Variants in HDAC9 observed in about 807,000 individuals in gnomAD.
HDAC9 encodes histone deacetylase 9, also known as MEF-2 interacting transcription repressor (MITR) protein.
HDAC9 carries 41 observed loss-of-function variants against 139.4 expected under a neutral mutation model. The observed-to-expected ratio is 0.29, with a 90% CI of 0.23 to 0.38. The LOEUF (loss-of-function observed/expected upper bound fraction) is 0.38, where lower values mean the gene tolerates loss of function less well. Among genes scored for constraint, HDAC9 ranks in the 10% least tolerant of loss-of-function variants. The pLI, the probability that HDAC9 is intolerant of heterozygous loss-of-function variation, is 1.00. For synonymous variants in HDAC9, 517 were observed against 476.2 expected (o/e 1.09, Z -1.12); for missense variants, 1,147 against 1,297.0 (o/e 0.88, Z 1.78).
intron 2 of HDAC9, among the ~76,000 whole-genome samples, chr7:18,254,819 A>G (rs1795130323): frequency 6.6e-6 from 1 of 152,174 alleles, no homozygotes; most frequent in Admixed American, 6.5e-5. Context: ...AAGTGCAGTA[A>G]TACTAAGGTG....
chr7:18,534,920 G>C (rs920211883), intron 2 of HDAC9, among the ~76,000 whole-genome samples: 2 of 152,168 alleles, frequency 1.3e-5, no homozygotes, highest in African/African-American at 4.8e-5. Flanking sequence ...GGTGATTTAA[G>C]GATGCTACAA....
intron 17 of HDAC9, among the ~76,000 whole-genome samples, chr7:18,811,668 G>A (rs550943541): frequency 4.0e-5 from 6 of 151,562 alleles, no homozygotes; most frequent in Admixed American, 3.9e-4. Flanking sequence ...CCTACAGTTT[G>A]TATTACTTTA....
chr7:18,122,326 A>T (rs559660339), intron 1 of HDAC9, among the ~76,000 whole-genome samples: 2 of 152,194 alleles, frequency 1.3e-5, no homozygotes, highest in South Asian at 2.1e-4. Flanking sequence ...CGGGAGAAGA[A>T]GATGTAAAGT....
chr7:18,197,872 G>T (rs1199880582), intron 2 of HDAC9, among the ~76,000 whole-genome samples: 1 of 152,108 alleles, frequency 6.6e-6, no homozygotes, highest in African/African-American at 2.4e-5. Flanking sequence ...GGATTTATTT[G>T]CTGTAATCTT....
At chr7:18,263,984 A>T (rs970491246) in intron 2 of HDAC9, among the ~76,000 whole-genome samples, 1 of 152,210 alleles carries the variant, frequency 6.6e-6, no homozygotes, top group African/African-American at 2.4e-5. Context: ...TGTTGCAATG[A>T]TAAAAGGCTC....
At chr7:18,471,442 T>C (rs1794716821) in intron 1 of HDAC9, among the ~76,000 whole-genome samples, 1 of 152,244 alleles carries the variant, frequency 6.6e-6, no homozygotes, top group Non-Finnish European at 1.5e-5. Flanking sequence ...CCCTTAATTG[T>C]GCTGTTTCAA....
chr7:18,695,388 T>TA (rs980815088), intron 12 of HDAC9, among the ~76,000 whole-genome samples: 3 of 152,310 alleles, frequency 2.0e-5, no homozygotes, highest in Admixed American at 2.0e-4. Context: ...TAACAAATAA[T>TA]ATCAACATAA....
chr7:18,125,024 C>T (rs1281115852), intron 1 of HDAC9, among the ~76,000 whole-genome samples: 1 of 151,814 alleles, frequency 6.6e-6, no homozygotes, highest in Non-Finnish European at 1.5e-5. Flanking sequence ...AACATTAAAG[C>T]AGAAAGAGTG....
chr7:18,669,539 A>G (rs886377161), intron 12 of HDAC9, among the ~76,000 whole-genome samples: 1 of 151,860 alleles, frequency 6.6e-6, no homozygotes, highest in Non-Finnish European at 1.5e-5. Context: ...ATGGATTATC[A>G]TTTTATAGTG....
At chr7:18,935,272 T>G (rs1307790922) in intron 22 of HDAC9, among the ~76,000 whole-genome samples, 1 of 152,132 alleles carries the variant, frequency 6.6e-6, no homozygotes, top group Non-Finnish European at 1.5e-5. Flanking sequence ...TTATTCATAT[T>G]TTGCATTTAT....
intron 2 of HDAC9, among the ~76,000 whole-genome samples, chr7:18,499,189 A>G (rs543649736): frequency 6.6e-6 from 1 of 152,170 alleles, no homozygotes; most frequent in East Asian, 1.9e-4. Flanking sequence ...AGATTTCATG[A>G]GATTATTTTT....
intron 23 of HDAC9, among the ~76,000 whole-genome samples, chr7:18,950,931 A>G (rs1417761941): frequency 6.6e-6 from 1 of 152,046 alleles, no homozygotes; most frequent in African/African-American, 2.4e-5. Context: ...TGATGTATAC[A>G]TCCATCCTCA....
intron 1 of HDAC9, among the ~76,000 whole-genome samples, chr7:18,372,337 A>C (rs1784655441): frequency 6.6e-6 from 1 of 152,192 alleles, no homozygotes; most frequent in South Asian, 2.1e-4. Flanking sequence ...CAAACCTGCA[A>C]ACCAAGCCCT....
chr7:18,182,595 T>C (rs1042889260), intron 2 of HDAC9, among the ~76,000 whole-genome samples: 7 of 152,232 alleles, frequency 4.6e-5, no homozygotes, highest in Admixed American at 1.3e-4. Flanking sequence ...TTTCTTTATG[T>C]CAATGAATTA....
intron 6 of HDAC9, among the ~76,000 whole-genome samples, chr7:18,601,068 G>A (rs1249354668): frequency 6.6e-6 from 1 of 152,168 alleles, no homozygotes; most frequent in Non-Finnish European, 1.5e-5. Flanking sequence ...GTCAAGTTGA[G>A]AATAGCCATC....
At chr7:18,806,291 G>A (rs1457376323) in intron 17 of HDAC9, among the ~76,000 whole-genome samples, 2 of 152,150 alleles carry the variant, frequency 1.3e-5, no homozygotes, top group South Asian at 4.1e-4. Context: ...TTCAGTCCTG[G>A]AAGTCTTTTG....
At chr7:18,119,373 A>G (rs1309369340) in intron 1 of HDAC9, among the ~76,000 whole-genome samples, 1 of 152,230 alleles carries the variant, frequency 6.6e-6, no homozygotes, top group South Asian at 2.1e-4. Context: ...TATGTTGGTT[A>G]AGTGAAATAT....
intron 2 of HDAC9, among the ~76,000 whole-genome samples, chr7:18,168,925 GT>G (rs1362296447): frequency 1.5e-5 from 2 of 134,008 alleles, no homozygotes; most frequent in Non-Finnish European, 3.1e-5. Flanking sequence ...GTGTGTGTGT[GT>G]GCGCGCATGT....
Position 18,996,373 on chromosome 7 carries a change from A to T in HDAC9, c.*311A>T. On this transcript the variant is annotated 3_prime_UTR_variant, in exon 26 of 26. Coordinates refer to ENST00000686413, the MANE Select transcript of HDAC9 (RefSeq NM_178425.4). Reference sequence around the variant, plus strand: ...TAGACACCAAGTTTGAACTAGAAACATTCAGTACAGCACTAGATATTGTTA... The same window carrying T: ...TAGACACCAAGTTTGAACTAGAAACTTTCAGTACAGCACTAGATATTGTTA... 1 of 301,722 alleles carries T rather than the reference A, an allele frequency of 3.3e-6. No individual in the cohort carries two copies. The highest frequency in any genetic ancestry group is 6.4e-6 in the Non-Finnish European group (1 of 156,990). The allele number at this position is 301,722 out of a possible 1,614,324, so 18.7% of individuals were successfully genotyped here. A position where few individuals can be genotyped will look rare whatever the true frequency, so the allele number is the denominator to read the frequency against.
Sources: allele counts gnomAD v4.1 joint callset (sites outside exome capture counted in the v4.1 genomes callset), GRCh38; gene constraint gnomAD v4.1.1; transcripts MANE v1.5; gene names NCBI Gene and HGNC (gene_info 2026-07-23, HGNC 2026-07-21).